The following ATRX variants were observed in gnomAD, a reference collection of about 807,000 sequenced individuals.
ATRX encodes chromatin remodeler ATRX.
Under a neutral mutation model 172.6 loss-of-function variants are expected in ATRX, and 12 were observed. That is an observed-to-expected ratio of 0.07 (90% CI 0.04 to 0.11). The LOEUF (loss-of-function observed/expected upper bound fraction) is 0.11, where lower values mean the gene tolerates loss of function less well. Among genes scored for constraint, ATRX ranks in the 10% least tolerant of loss-of-function variants. The probability of loss-of-function intolerance (pLI) is 1.00; values close to 1 mark genes in which losing one functional copy is unlikely to be tolerated. For missense variants in ATRX, 1,368 were observed against 1,767.4 expected (o/e 0.77, Z 4.05); for synonymous variants, 674 against 594.7 (o/e 1.13, Z -1.94).
intron 12 of ATRX, among the ~76,000 whole-genome samples, chrX:77,657,900 A>T (rs2069637335): frequency 1.8e-5 from 2 of 112,174 alleles, no homozygotes; most frequent in South Asian, 7.4e-4. Context: ...ACAAAAGTTA[A>T]CCGTGAGAGT....
At chrX:77,752,073 G>A (rs2075323830) in intron 1 of ATRX, among the ~76,000 whole-genome samples, 1 of 111,564 alleles carries the variant, frequency 9.0e-6, no homozygotes, top group Non-Finnish European at 1.9e-5. Context: ...ATTACTTTGG[G>A]CAGTATGGCC....
intron 1 of ATRX, among the ~76,000 whole-genome samples, chrX:77,767,900 T>TA (rs1557197090): frequency 1.8e-5 from 2 of 111,860 alleles, no homozygotes; most frequent in East Asian, 2.8e-4. Context: ...GGTTACCTGA[T>TA]ACGATTGTTA....
intron 5 of ATRX, 59 bp from the exon 6 acceptor site, chrX:77,693,996 G>GT: frequency 3.3e-6 from 3 of 921,365 alleles, no homozygotes; most frequent in Non-Finnish European, 4.7e-6. Flanking sequence ...TGAAGTACAA[G>GT]ACTTCAGTTC....
At chrX:77,641,889 AATG>A (rs2068675421) in intron 15 of ATRX, among the ~76,000 whole-genome samples, 1 of 111,822 alleles carries the variant, frequency 8.9e-6, no homozygotes. Context: ...TTCAAAAAAT[AATG>A]ATGTGAACTT....
intron 9 of ATRX, among the ~76,000 whole-genome samples, chrX:77,679,556 T>C (rs2071079763): frequency 8.9e-6 from 1 of 111,926 alleles, no homozygotes; most frequent in African/African-American, 3.2e-5. Flanking sequence ...TTCATATTAA[T>C]TATTACACTA....
intron 6 of ATRX, 29 bp downstream of exon 6, chrX:77,693,795 A>T: frequency 1.8e-6 from 2 of 1,106,551 alleles, no homozygotes; most frequent in Non-Finnish European, 2.5e-6. Flanking sequence ...AGCAATTTAA[A>T]TTCATGTTTC....
intron 20 of ATRX, among the ~76,000 whole-genome samples, chrX:77,620,080 C>A (rs1478802381): frequency 7.1e-5 from 8 of 112,064 alleles, no homozygotes; most frequent in Non-Finnish European, 1.5e-4. Flanking sequence ...TTAAAATTAT[C>A]TGGAGTAATC....
intron 2 of ATRX, among the ~76,000 whole-genome samples, chrX:77,711,511 A>G (rs1478311777): frequency 8.9e-6 from 1 of 112,681 alleles, no homozygotes; most frequent in Non-Finnish European, 1.9e-5. Context: ...AAGTACGTTA[A>G]GCAAGTTCAC....
intron 2 of ATRX, among the ~76,000 whole-genome samples, chrX:77,715,477 T>C (rs1419610116): frequency 8.9e-6 from 1 of 112,067 alleles, no homozygotes; most frequent in Non-Finnish European, 1.9e-5. Context: ...AAAAAACCTA[T>C]CCCATAGTTA....
At chrX:77,755,167 T>C (rs1347571749) in intron 1 of ATRX, among the ~76,000 whole-genome samples, 1 of 112,893 alleles carries the variant, frequency 8.9e-6, no homozygotes. Flanking sequence ...GTTCTTGTGC[T>C]GTGTTTTTCA....
At chrX:77,619,060 A>C in intron 20 of ATRX, 79 bp from the exon 21 acceptor site, 2 of 716,176 alleles carry the variant, frequency 2.8e-6, no homozygotes, top group Non-Finnish European at 4.2e-6. Flanking sequence ...TGAAATGCTC[A>C]TGTCAAAAAC....
At chrX:77,543,127 C>G (rs1443664879) in intron 30 of ATRX, among the ~76,000 whole-genome samples, 1 of 111,769 alleles carries the variant, frequency 8.9e-6, no homozygotes, top group African/African-American at 3.2e-5. Context: ...AAAAAAACAA[C>G]CCTATCAAAA....
chrX:77,563,706 T>C (rs1368068433), intron 28 of ATRX, among the ~76,000 whole-genome samples: 5 of 37,721 alleles, frequency 1.3e-4, no homozygotes, highest in Admixed American at 4.1e-4. Flanking sequence ...TACATGCGTG[T>C]GTGTGTGTGT....
chrX:77,683,821 G>C lies in ATRX; in HGVS notation c.1435C>G (p.Pro479Ala), dbSNP rs1216572735. The C allele has an allele frequency of 8.3e-7, 1 of 1,210,221 alleles. No homozygotes were observed. Among genetic ancestry groups the C allele is most frequent in the Non-Finnish European group, 1.1e-6 (1 of 894,369 alleles). ...TTATTTGTTCTTTGTTCCTCTGTTGGAACATTCTGATGCATGTGCTCACTA... is the reference window on the plus strand; with the variant it reads ...TTATTTGTTCTTTGTTCCTCTGTTGCAACATTCTGATGCATGTGCTCACTA... The part of the protein sequence containing the change: ...VDSEHMHQNV[P>A]TEEQRTNKST... Residue 479 changes from proline (P) to alanine (A), a missense_variant, in exon 9 of 35, where the codon CCA (proline) becomes GCA (alanine). Coordinates refer to ENST00000373344, the MANE Select transcript of ATRX (RefSeq NM_000489.6).
intron 34 of ATRX, among the ~76,000 whole-genome samples, chrX:77,520,418 C>A (rs1443366728): frequency 1.8e-5 from 2 of 110,794 alleles, no homozygotes; most frequent in African/African-American, 3.3e-5. Flanking sequence ...ACCTTATGTA[C>A]CCCATAAATA....
intron 1 of ATRX, among the ~76,000 whole-genome samples, chrX:77,782,565 C>A (rs1329889650): frequency 1.8e-5 from 2 of 110,025 alleles, no homozygotes; most frequent in African/African-American, 3.3e-5. Flanking sequence ...CCTGGCTGGC[C>A]AACATGGTGA....
intron 19 of ATRX, among the ~76,000 whole-genome samples, chrX:77,627,974 T>G (rs1324563538): frequency 9.0e-6 from 1 of 111,656 alleles, no homozygotes; most frequent in Non-Finnish European, 1.9e-5. Context: ...ATATATCAGA[T>G]AGGAGGGTTT....
chrX:77,601,650 G>A (rs2066681889), intron 22 of ATRX, among the ~76,000 whole-genome samples: 1 of 111,522 alleles, frequency 9.0e-6, no homozygotes, highest in African/African-American at 3.3e-5. Flanking sequence ...AAGGTAATAT[G>A]CAAAAGAACA....
intron 2 of ATRX, among the ~76,000 whole-genome samples, chrX:77,714,646 T>C (rs1452657302): frequency 9.0e-6 from 1 of 111,645 alleles, no homozygotes; most frequent in African/African-American, 3.3e-5. Flanking sequence ...CCACTTTATG[T>C]AGTATTCCTG....
Sources: allele counts gnomAD v4.1 joint callset (sites outside exome capture counted in the v4.1 genomes callset), GRCh38; gene constraint gnomAD v4.1.1; transcripts MANE v1.5; gene names NCBI Gene and HGNC (gene_info 2026-07-23, HGNC 2026-07-21).